Variants in GMDS observed in about 807,000 individuals in gnomAD.
GMDS encodes GDP-mannose 4,6 dehydratase.
In GMDS, 20 loss-of-function variants were observed where a neutral mutation model predicts 49.9. The ratio of observed to expected loss-of-function variants is 0.40; its 90% CI spans 0.28 to 0.58. The LOEUF (loss-of-function observed/expected upper bound fraction) is 0.58. GMDS is among the 20% of genes least tolerant of loss of function. The pLI, the probability that GMDS is intolerant of heterozygous loss-of-function variation, is 0.42. For missense variants in GMDS, 362 were observed against 481.4 expected (o/e 0.75, Z 2.32); for synonymous variants, 177 against 178.6 (o/e 0.99, Z 0.07).
At chr6:1,733,852 TAAAAA>T (rs61455182) in intron 8 of GMDS, among the ~76,000 whole-genome samples, 1 of 146,094 alleles carries the variant, frequency 6.8e-6, no homozygotes, top group East Asian at 2.0e-4. Context: ...ACTCTTGTCT[TAAAAA>T]AAAAAAAAGA....
chr6:1,875,112 C>G (rs1172151227), intron 7 of GMDS, among the ~76,000 whole-genome samples: 1 of 151,950 alleles, frequency 6.6e-6, no homozygotes, highest in Non-Finnish European at 1.5e-5. Flanking sequence ...GTTACCTATT[C>G]TTGGGTATAT....
rs752497319 is a variant in GMDS at position 2,130,892 on chromosome 6, G to A, written c.103-6161C>T. Among the ~76,000 whole-genome samples, 51 of 151,916 alleles carry A rather than the reference G, an allele frequency of 3.4e-4. 1 individual carries two copies. Among genetic ancestry groups the A allele is most frequent in the Non-Finnish European group, 7.4e-5 (5 of 67,956 alleles). On this transcript the variant is annotated intron_variant, in intron 1 of 10. Coordinates refer to ENST00000380815, the MANE Select transcript of GMDS (RefSeq NM_001500.4). The stretch of plus-strand genomic sequence containing the variant: ...GACGTGTTTTTTCATTTTTTGACTG[G>A]TAGTAACACTACAGAGTTTTTGGTG...
intron 1 of GMDS, among the ~76,000 whole-genome samples, chr6:2,234,167 C>T (rs569136299): frequency 6.6e-6 from 1 of 152,160 alleles, no homozygotes; most frequent in African/African-American, 2.4e-5. Flanking sequence ...CCCAATCCAA[C>T]AATCCAATCA....
At chr6:1,645,937 T>A (rs1258123140) in intron 9 of GMDS, among the ~76,000 whole-genome samples, 1 of 152,206 alleles carries the variant, frequency 6.6e-6, no homozygotes, top group East Asian at 1.9e-4. Context: ...CCCTAGAACA[T>A]CAGTGCTGAG....
chr6:1,836,934 CTTTGT>C lies in GMDS; in HGVS notation c.771+93164_771+93168del, dbSNP rs1016644796. On this transcript the variant is annotated intron_variant, in intron 7 of 10. Coordinates refer to ENST00000380815, the MANE Select transcript of GMDS (RefSeq NM_001500.4). The surrounding 1 kb of genome is among the most constrained non-coding windows in gnomAD (Gnocchi z 4.2). ...TATTCTTTGGTACTTGCTGATAAGA[CTTTGT>C]TTTAAGTTTACAATAGAGAAAGTTT... Among the ~76,000 whole-genome samples the C allele has an allele frequency of 2.6e-5, 4 of 152,322 alleles. No individual in the cohort carries two copies. Among genetic ancestry groups the C allele is most frequent in the East Asian group, 1.9e-4 (1 of 5,190 alleles).
chr6:1,984,524 T>A (rs1765426776), intron 4 of GMDS, among the ~76,000 whole-genome samples: 1 of 151,932 alleles, frequency 6.6e-6, no homozygotes, highest in Admixed American at 6.6e-5. Flanking sequence ...TCCAGGCCAG[T>A]ACACTACAGC....
At chr6:1,897,882 G>A (rs1760281884) in intron 7 of GMDS, among the ~76,000 whole-genome samples, 1 of 152,098 alleles carries the variant, frequency 6.6e-6, no homozygotes, top group African/African-American at 2.4e-5. Flanking sequence ...GATAACTGAG[G>A]TTATCTAATG....
intron 7 of GMDS, among the ~76,000 whole-genome samples, chr6:1,888,153 A>C (rs1379797746): frequency 7.6e-6 from 1 of 130,802 alleles, no homozygotes; most frequent in Non-Finnish European, 1.7e-5. Context: ...TTTTTTTTGA[A>C]GAGATGAGGG....
At chr6:2,181,452 G>A (rs1778526500) in intron 1 of GMDS, among the ~76,000 whole-genome samples, 1 of 151,950 alleles carries the variant, frequency 6.6e-6, no homozygotes, top group Non-Finnish European at 1.5e-5. Context: ...GCCATATCTT[G>A]TTTTGCTGTG....
intron 4 of GMDS, among the ~76,000 whole-genome samples, chr6:1,988,718 A>C (rs1765725488): frequency 6.6e-6 from 1 of 152,226 alleles, no homozygotes. Flanking sequence ...AATATTTAAA[A>C]ACAGTGTTTT....
intron 9 of GMDS, among the ~76,000 whole-genome samples, chr6:1,626,350 T>C (rs1337983598): frequency 1.3e-5 from 2 of 152,248 alleles, no homozygotes; most frequent in African/African-American, 2.4e-5. Context: ...AAAGTCCATA[T>C]ACAGATTCTT....
intron 4 of GMDS, among the ~76,000 whole-genome samples, chr6:2,060,945 G>A (rs1322128030): frequency 2.6e-5 from 4 of 152,036 alleles, no homozygotes; most frequent in African/African-American, 9.7e-5. Context: ...GCTTGAACCT[G>A]GGACATGGAG....
At chr6:1,869,832 C>G (rs1758637919) in intron 7 of GMDS, among the ~76,000 whole-genome samples, 1 of 152,214 alleles carries the variant, frequency 6.6e-6, no homozygotes, top group Admixed American at 6.5e-5. Context: ...CTGGCTCTTC[C>G]TCCTGGATGT....
intron 7 of GMDS, among the ~76,000 whole-genome samples, chr6:1,800,615 CTTTT>C (rs370877735): frequency 3.3e-4 from 45 of 134,528 alleles, no homozygotes; most frequent in Admixed American, 3.1e-3. Flanking sequence ...TTTTCTTTTT[CTTTT>C]TCTTTCTTTC....
intron 2 of GMDS, among the ~76,000 whole-genome samples, chr6:2,122,857 C>T (rs1775216956): frequency 6.6e-6 from 1 of 152,196 alleles, no homozygotes; most frequent in Non-Finnish European, 1.5e-5. Flanking sequence ...TCACGGATCT[C>T]TCTCCTAAAC....
intron 4 of GMDS, among the ~76,000 whole-genome samples, chr6:2,105,181 C>CAAAAAAAA (rs530164439): frequency 3.1e-5 from 2 of 64,420 alleles, no homozygotes; most frequent in African/African-American, 5.4e-5. Flanking sequence ...GACTCCGTCT[C>CAAAAAAAA]AAAAAAAAAA....
At chr6:1,843,649 T>G (rs1424922825) in intron 7 of GMDS, among the ~76,000 whole-genome samples, 1 of 152,092 alleles carries the variant, frequency 6.6e-6, no homozygotes, top group Non-Finnish European at 1.5e-5. Context: ...GCACCTGTAG[T>G]CCCAGTTACC....
chr6:1,701,536 G>A (rs1001435939), intron 9 of GMDS, among the ~76,000 whole-genome samples: 3 of 151,822 alleles, frequency 2.0e-5, no homozygotes, highest in Non-Finnish European at 4.4e-5. Context: ...GAGCTTAAAG[G>A]CAAGTCTGTA....
chr6:2,238,722 C>A (rs1468143010), intron 1 of GMDS, among the ~76,000 whole-genome samples: 1 of 152,054 alleles, frequency 6.6e-6, no homozygotes, highest in African/African-American at 2.4e-5. Context: ...TTTTTCTACC[C>A]AAGAAAAACC....
Sources: allele counts gnomAD v4.1 joint callset (sites outside exome capture counted in the v4.1 genomes callset), GRCh38; gene constraint gnomAD v4.1.1; non-coding constraint Gnocchi (gnomAD v3.1); transcripts MANE v1.5; gene names NCBI Gene and HGNC (gene_info 2026-07-23, HGNC 2026-07-21).